The following FOSB variants were observed in gnomAD, a reference collection of about 807,000 sequenced individuals.
FOSB encodes protein FosB.
Under a neutral mutation model 31.1 loss-of-function variants are expected in FOSB, and 8 were observed. That is an observed-to-expected ratio of 0.26 (90% CI 0.15 to 0.46). FOSB has a LOEUF of 0.46. Ranked by LOEUF, FOSB falls within the 20% of genes least tolerant of loss-of-function variation. The pLI, the probability that FOSB is intolerant of heterozygous loss-of-function variation, is 0.99. For missense variants in FOSB, 376 were observed against 460.6 expected (o/e 0.82, Z 1.68); for synonymous variants, 214 against 206.1 (o/e 1.04, Z -0.33).
At chr19:45,471,113 G>A (rs1967643094) in intron 2 of FOSB, 81 bp from the exon 3 acceptor site, 2 of 1,405,906 alleles carry the variant, frequency 1.4e-6, no homozygotes, top group East Asian at 2.5e-5. Flanking sequence ...GCTCTTGGGG[G>A]TTCTGAAAGA....
At chr19:45,469,481 C>T (rs1282821916) in intron 1 of FOSB, among the ~76,000 whole-genome samples, 1 of 152,220 alleles carries the variant, frequency 6.6e-6, no homozygotes, top group African/African-American at 2.4e-5. Context: ...TCCCCGGAAC[C>T]CGTGGTTCCT....
In FOSB at chr19:45,468,714, T is replaced by C; in HGVS notation, c.126+2T>C. On this transcript the variant is annotated splice_donor_variant, in intron 1 of 3. Coordinates refer to ENST00000353609, the MANE Select transcript of FOSB (RefSeq NM_006732.3). LOFTEE classifies it high-confidence loss of function. The surrounding 1 kb of genome is among the most constrained non-coding windows in gnomAD (Gnocchi z 4.8). ...CCACCCACCGCCGCCGCCTCCCAGG[T>C]AAGTTTTTGATAGTAGGGGTGCTGC... 1 of 1,602,004 alleles carries C rather than the reference T, an allele frequency of 6.2e-7. No individual in the cohort carries two copies. The highest frequency in any genetic ancestry group is 1.1e-5 in the South Asian group (1 of 89,372).
At chr19:45,471,405 C>A in intron 3 of FOSB, 104 bp downstream of exon 3, 1 of 856,588 alleles carries the variant, frequency 1.2e-6, no homozygotes. Context: ...GAGAACTAGA[C>A]GTTCCACACA....
In FOSB at chr19:45,472,595, G is replaced by A. The variant is rs943574518; in HGVS notation, c.600G>A (p.Glu200=). 2 of 1,532,070 alleles carry A rather than the reference G, an allele frequency of 1.3e-6. No homozygotes were observed. The highest frequency in any genetic ancestry group is 8.8e-7 in the Non-Finnish European group (1 of 1,142,698). The allele number at this position is 1,532,070 out of a possible 1,614,324, so 94.9% of individuals were successfully genotyped here. A position where few individuals can be genotyped will look rare whatever the true frequency, so the allele number is the denominator to read the frequency against. The change falls in exon 4 of 4, where the codon GAG becomes GAA. Residue 200 remains glutamate, a synonymous_variant. Coordinates refer to ENST00000353609, the MANE Select transcript of FOSB (RefSeq NM_006732.3). This position sits in a 1 kb window ranked among gnomAD's most constrained non-coding sequence, Gnocchi z 5.4. ...LEEEKAELES[E]IAELQKEKER... ...AAGAAAAAGCAGAGCTGGAGTCGGA[G>A]ATCGCCGAGCTCCAAAAGGAGAAGG...
rs1413526217 is a variant in FOSB at position 45,472,605 on chromosome 19, C to T, written c.610C>T (p.Leu204Phe). The change falls in exon 4 of 4, where the codon CTC becomes TTC. Residue 204 changes from leucine (L) to phenylalanine (F), a missense_variant. Physicochemically the swap from Leu to Phe is conservative, Grantham distance 22. Around this residue, in one of 3 missense-constraint regions of FOSB, gnomAD observed 35 missense variants for 83.5 expected, o/e 0.42. Transcript: ENST00000353609. The surrounding 1 kb of genome is among the most constrained non-coding windows in gnomAD (Gnocchi z 5.4). ...KAELESEIAELQKEKERLEFV... is the reference protein window; with the variant it reads ...KAELESEIAEFQKEKERLEFV... ...AGAGCTGGAGTCGGAGATCGCCGAG[C>T]TCCAAAAGGAGAAGGAACGTCTGGA... The T allele has an allele frequency of 1.3e-6, 2 of 1,538,182 alleles. No individual in the cohort carries two copies. The highest frequency in any genetic ancestry group is 1.7e-6 in the Non-Finnish European group (2 of 1,145,832).
chr19:45,469,146 G>T (rs1345535595), intron 1 of FOSB, among the ~76,000 whole-genome samples: 1 of 152,208 alleles, frequency 6.6e-6, no homozygotes, highest in East Asian at 1.9e-4. Context: ...CTTCGGTGCC[G>T]GGTCGCCCTC....
intron 3 of FOSB, chr19:45,471,785 C>T (rs1967683937): frequency 6.4e-6 from 1 of 156,420 alleles, no homozygotes; most frequent in Admixed American, 6.1e-5. Context: ...CCAAAACCCA[C>T]TCCCTTCCTA....
At position 45,468,456 on chromosome 19, in the gene FOSB, A is replaced by T; in HGVS notation, c.-131A>T. 1 of 939,898 alleles carries T rather than the reference A, an allele frequency of 1.1e-6. No homozygotes were observed. Among genetic ancestry groups the T allele is most frequent in the Non-Finnish European group, 1.6e-6 (1 of 621,094 alleles). 58.2% of individuals were successfully genotyped at this position (939,898 alleles called of 1,614,324 possible). A position where few individuals can be genotyped will look rare whatever the true frequency, so the allele number is the denominator to read the frequency against. On this transcript the variant is annotated 5_prime_UTR_variant, in exon 1 of 4. Transcript: ENST00000353609. The surrounding 1 kb of genome is among the most constrained non-coding windows in gnomAD (Gnocchi z 4.8). Reference sequence around the variant, plus strand: ...GAGCTTCCCCGGACAGCGTACTTTGAGGACTCGCTCAGCTCACCGGGGACT... The same window carrying T: ...GAGCTTCCCCGGACAGCGTACTTTGTGGACTCGCTCAGCTCACCGGGGACT...
In FOSB at chr19:45,472,491, A is replaced by G; in HGVS notation, c.556-60A>G. 7.3e-7 allele frequency: 1 copy of G among 1,364,150 alleles called. No homozygotes were observed. The highest frequency in any genetic ancestry group is 1.6e-5 in the South Asian group (1 of 61,602). 84.5% of individuals were successfully genotyped at this position (1,364,150 alleles called of 1,614,324 possible). A position where few individuals can be genotyped will look rare whatever the true frequency, so the allele number is the denominator to read the frequency against. On this transcript the variant is annotated intron_variant, in intron 3 of 3. Transcript: ENST00000353609. The surrounding 1 kb of genome is among the most constrained non-coding windows in gnomAD (Gnocchi z 5.4). ...GAGCCATGACCCGAGTTTCCCGGTCACTGACATGCTTTTTTCTCCTTCCTC... is the reference window on the plus strand; with the variant it reads ...GAGCCATGACCCGAGTTTCCCGGTCGCTGACATGCTTTTTTCTCCTTCCTC...
Position 45,475,136 on chromosome 19 carries a change from C to T in FOSB, c.*2124C>T, listed in dbSNP as rs1350947052. 6.6e-6 allele frequency: 1 copy of T among 152,630 alleles called. No individual in the cohort carries two copies. Among genetic ancestry groups the T allele is most frequent in the Non-Finnish European group, 1.5e-5 (1 of 68,058 alleles). The allele number at this position is 152,630 out of a possible 1,614,324, so 9.5% of individuals were successfully genotyped here. On this transcript the variant is annotated 3_prime_UTR_variant, in exon 4 of 4. Coordinates refer to ENST00000353609, the MANE Select transcript of FOSB (RefSeq NM_006732.3). The stretch of plus-strand genomic sequence containing the variant: ...ATTGGCAATGGGCCGTCCCCTCTCC[C>T]CTTGGTTCTGCACTGTTGCCAATAA...
chr19:45,468,669 C>G lies in FOSB; in HGVS notation c.83C>G (p.Ser28Trp), dbSNP rs1362799268. The change falls in exon 1 of 4, where the codon TCG becomes TGG. Residue 28 changes from serine to tryptophan, a missense_variant. Coordinates refer to ENST00000353609, the MANE Select transcript of FOSB (RefSeq NM_006732.3). This position sits in a 1 kb window ranked among gnomAD's most constrained non-coding sequence, Gnocchi z 4.8. ...TCTGCCGAGTCTCAATATCTGTCTT[C>G]GGTGGACTCCTTCGGCAGTCCACCC... ...SPSAESQYLS[S>W]VDSFGSPPTA... The G allele has an allele frequency of 6.2e-7, 1 of 1,613,302 alleles. No homozygotes were observed. Among genetic ancestry groups the G allele is most frequent in the Non-Finnish European group, 8.5e-7 (1 of 1,179,824 alleles).
In FOSB at chr19:45,474,784, G is replaced by T. The variant is rs1484803919; in HGVS notation, c.*1772G>T. On this transcript the variant is annotated 3_prime_UTR_variant, in exon 4 of 4. Coordinates refer to ENST00000353609, the MANE Select transcript of FOSB (RefSeq NM_006732.3). ...CTCGGCCCCTCTGATTGTTCCCGAT[G>T]GTCTCTCTCCCTCTGTCTTTTCTCC... 1 of 151,918 alleles carries T rather than the reference G, an allele frequency of 6.6e-6. No individual in the cohort carries two copies. Among genetic ancestry groups the T allele is most frequent in the Non-Finnish European group, 1.5e-5 (1 of 67,998 alleles). 9.4% of individuals were successfully genotyped at this position (151,918 alleles called of 1,614,324 possible). A position where few individuals can be genotyped will look rare whatever the true frequency, so the allele number is the denominator to read the frequency against.
chr19:45,470,589 TTG>T (rs1220881109), intron 1 of FOSB, 38 bp from the exon 2 acceptor site: 4 of 1,542,700 alleles, frequency 2.6e-6, no homozygotes, highest in African/African-American at 1.4e-5. Flanking sequence ...GTGTCTTTGT[TTG>T]TGTGTCTACG....
chr19:45,470,925 G>A lies in FOSB; in HGVS notation c.423G>A (p.Arg141=), dbSNP rs1342295809. 14 of 1,612,572 alleles carry A rather than the reference G, an allele frequency of 8.7e-6. No individual in the cohort carries two copies. The highest frequency in any genetic ancestry group is 1.1e-5 in the Non-Finnish European group (13 of 1,180,002). Residue 141 remains arginine (R), a synonymous_variant, in exon 2 of 4, where the codon CGG becomes CGA. Coordinates refer to ENST00000353609, the MANE Select transcript of FOSB (RefSeq NM_006732.3). ...GPGPARPARA[R]PRRPREETLT... ...GGCCTGCCCGCCCAGCCCGAGCCCGGCCTAGGAGACCCCGAGAGGAGACGG... is the reference window on the plus strand; with the variant it reads ...GGCCTGCCCGCCCAGCCCGAGCCCGACCTAGGAGACCCCGAGAGGAGACGG...
intron 1 of FOSB, among the ~76,000 whole-genome samples, chr19:45,469,047 C>A (rs1461616959): frequency 6.6e-6 from 1 of 152,232 alleles, no homozygotes; most frequent in Non-Finnish European, 1.5e-5. Flanking sequence ...GGGTCCCAGA[C>A]CTGAAGCTAG....
At chr19:45,471,496 TCCCCCCCCCA>T in intron 3 of FOSB, 195 bp downstream of exon 3, 1 of 375,368 alleles carries the variant, frequency 2.7e-6, no homozygotes, top group Non-Finnish European at 4.7e-6. Flanking sequence ...CAACTCCTGG[TCCCCCCCCCA>T]TTTCCTGACC....
chr19:45,474,604 A>C lies in FOSB; in HGVS notation c.*1592A>C, dbSNP rs1394252694. On this transcript the variant is annotated 3_prime_UTR_variant, in exon 4 of 4. Transcript: ENST00000353609. ...TCTATTATGTATAAGTAAATATATTATATATGGATGTGTGTGTGTGCGTGC... is the reference window on the plus strand; with the variant it reads ...TCTATTATGTATAAGTAAATATATTCTATATGGATGTGTGTGTGTGCGTGC... The C allele has an allele frequency of 6.6e-6, 1 of 152,304 alleles. No homozygotes were observed. Among genetic ancestry groups the C allele is most frequent in the Non-Finnish European group, 1.5e-5 (1 of 68,000 alleles). The allele number at this position is 152,304 out of a possible 1,614,324, so 9.4% of individuals were successfully genotyped here. A position where few individuals can be genotyped will look rare whatever the true frequency, so the allele number is the denominator to read the frequency against.
Position 45,475,046 on chromosome 19 carries a change from T to G in FOSB, c.*2034T>G, listed in dbSNP as rs1270844465. 1 of 152,478 alleles carries G rather than the reference T, an allele frequency of 6.6e-6. No individual in the cohort carries two copies. Among genetic ancestry groups the G allele is most frequent in the African/African-American group, 2.4e-5 (1 of 41,458 alleles). 9.4% of individuals were successfully genotyped at this position (152,478 alleles called of 1,614,324 possible). Reference sequence around the variant, plus strand: ...CAATTCAATGAATCCCCGACCCCCCTACCCCATGCTGTACTTGTGGTTCTC... The same window carrying G: ...CAATTCAATGAATCCCCGACCCCCCGACCCCATGCTGTACTTGTGGTTCTC... On this transcript the variant is annotated 3_prime_UTR_variant, in exon 4 of 4. Transcript: ENST00000353609.
chr19:45,468,235 G>C lies in FOSB; in HGVS notation c.-352G>C. 5.1e-6 allele frequency: 1 copy of C among 194,260 alleles called. No homozygotes were observed. The highest frequency in any genetic ancestry group is 1.0e-5 in the Non-Finnish European group (1 of 96,198). The allele number at this position is 194,260 out of a possible 1,614,324, so 12.0% of individuals were successfully genotyped here. On this transcript the variant is annotated 5_prime_UTR_variant, in exon 1 of 4. Transcript: ENST00000353609. The surrounding 1 kb of genome is among the most constrained non-coding windows in gnomAD (Gnocchi z 4.8). Reference sequence around the variant, plus strand: ...CGTGGGACCCGCCGGACGCGTGGAGGAGACCGTAGCTGAAGCTGATTCTGT... The same window carrying C: ...CGTGGGACCCGCCGGACGCGTGGAGCAGACCGTAGCTGAAGCTGATTCTGT...
Sources: gnomAD v4.1 joint callset for allele counts (sites outside exome capture counted in the v4.1 genomes callset) on GRCh38, gnomAD v4.1.1 for gene constraint, gnomAD v4.1.1 regional missense constraint, Gnocchi (gnomAD v3.1) non-coding constraint, MANE v1.5 for transcripts, NCBI Gene and HGNC (gene_info 2026-07-23, HGNC 2026-07-21) for gene names.